WWOX: variants seen among roughly 807,000 people sequenced by gnomAD.
WWOX encodes the protein WW domain-containing oxidoreductase.
In WWOX, 69 loss-of-function variants were observed where a neutral mutation model predicts 46.2. The observed-to-expected ratio is 1.49, with a 90% CI of 1.23 to 1.82. The LOEUF (loss-of-function observed/expected upper bound fraction) is 1.82, where lower values mean the gene tolerates loss of function less well. Ranked by LOEUF, WWOX falls within the 40% of genes most tolerant of loss-of-function variation. The pLI is 0.00. For synonymous variants in WWOX, 359 were observed against 202.6 expected (o/e 1.77, Z -6.56); for missense variants, 919 against 542.6 (o/e 1.69, Z -6.89).
intron 8 of WWOX, among the ~76,000 whole-genome samples, chr16:78,870,035 ACTT>A (rs1407501740): frequency 6.6e-6 from 1 of 152,114 alleles, no homozygotes; most frequent in Non-Finnish European, 1.5e-5. Flanking sequence ...CCTCCAGGGG[ACTT>A]CTTCCATCAA....
intron 8 of WWOX, among the ~76,000 whole-genome samples, chr16:78,982,590 A>G (rs1325558315): frequency 6.6e-6 from 1 of 152,172 alleles, no homozygotes; most frequent in Non-Finnish European, 1.5e-5. Context: ...AGGCGCTGCT[A>G]TTGTATGCTC....
intron 8 of WWOX, among the ~76,000 whole-genome samples, chr16:79,159,931 C>G (rs1226867237): frequency 6.6e-6 from 1 of 152,132 alleles, no homozygotes; most frequent in Non-Finnish European, 1.5e-5. Flanking sequence ...TGATCTGACT[C>G]CCAACCCTCC....
intron 8 of WWOX, among the ~76,000 whole-genome samples, chr16:78,674,429 C>T (rs1370759107): frequency 6.6e-6 from 1 of 152,024 alleles, no homozygotes; most frequent in Admixed American, 6.6e-5. Context: ...GAACTACAGG[C>T]GTCCGCCACC....
chr16:79,006,112 G>GA (rs2047185355), intron 8 of WWOX, among the ~76,000 whole-genome samples: 2 of 152,182 alleles, frequency 1.3e-5, no homozygotes, highest in South Asian at 2.1e-4. Context: ...CCAGTGGGGT[G>GA]AGGGTGGCAG....
At chr16:78,911,553 C>G (rs555837885) in intron 8 of WWOX, among the ~76,000 whole-genome samples, 1 of 152,116 alleles carries the variant, frequency 6.6e-6, no homozygotes, top group South Asian at 2.1e-4. Flanking sequence ...TAGGAAAATT[C>G]TCCCCAGTGG....
intron 8 of WWOX, among the ~76,000 whole-genome samples, chr16:78,613,198 C>G (rs556443034): frequency 1.3e-5 from 2 of 152,270 alleles, no homozygotes; most frequent in Admixed American, 6.5e-5. Flanking sequence ...TCACCCCGAT[C>G]ACATGAACGT....
intron 8 of WWOX, among the ~76,000 whole-genome samples, chr16:78,833,154 G>A (rs1010540632): frequency 1.3e-5 from 2 of 151,728 alleles, no homozygotes; most frequent in East Asian, 3.9e-4. Context: ...CGATCCTCCA[G>A]CCTCTGCCTG....
In WWOX at chr16:78,507,033, G is replaced by T. The variant is rs139761752; in HGVS notation, c.1056+74281G>T. Among the ~76,000 whole-genome samples, 60 of 152,240 alleles carry T rather than the reference G, an allele frequency of 3.9e-4. No homozygotes were observed. The East Asian group carries it at 0.011, about 27-fold the overall frequency. Reference sequence around the variant, plus strand: ...ACGACCTCAGGGTCCCTTCTAACCTGTGCTGTTGTCATAAACCCTGGAGGA... The same window carrying T: ...ACGACCTCAGGGTCCCTTCTAACCTTTGCTGTTGTCATAAACCCTGGAGGA... On this transcript the variant is annotated intron_variant, in intron 8 of 8. Transcript: ENST00000566780.
rs188372837 is a variant in WWOX at position 79,133,969 on chromosome 16, T to G, written c.1057-77639T>G. On this transcript the variant is annotated intron_variant, in intron 8 of 8. Transcript: ENST00000566780. The stretch of plus-strand genomic sequence containing the variant: ...AGGCAAGTCCTCAAGAAGAAAAATT[T>G]AAGGAGCAAATATGTGAGCCAGGAT... Among the ~76,000 whole-genome samples, 3 of 152,266 alleles carry G rather than the reference T, an allele frequency of 2.0e-5. No individual in the cohort carries two copies. In the East Asian group the frequency reaches 5.8e-4, roughly 29 times the overall value.
chr16:79,041,788 C>G (rs556931584), intron 8 of WWOX, among the ~76,000 whole-genome samples: 1 of 152,148 alleles, frequency 6.6e-6, no homozygotes, highest in African/African-American at 2.4e-5. Flanking sequence ...TCATTCCATA[C>G]GCTTTTGCTT....
At chr16:78,441,191 G>A (rs1257231132) in intron 8 of WWOX, among the ~76,000 whole-genome samples, 1 of 152,060 alleles carries the variant, frequency 6.6e-6, no homozygotes, top group Non-Finnish European at 1.5e-5. Context: ...CAAAGTGCTG[G>A]GATTACAGAT....
chr16:79,185,625 A>G (rs781735311), intron 8 of WWOX, among the ~76,000 whole-genome samples: 6 of 152,136 alleles, frequency 3.9e-5, no homozygotes, highest in Non-Finnish European at 7.4e-5. Context: ...GGTTGTCAGG[A>G]TGCAGGGAGG....
intron 5 of WWOX, among the ~76,000 whole-genome samples, chr16:78,291,309 T>G (rs1236682075): frequency 6.6e-6 from 1 of 152,242 alleles, no homozygotes; most frequent in Non-Finnish European, 1.5e-5. Context: ...AATGTTATTT[T>G]GACTGCATTT....
At chr16:78,186,392 C>T (rs542158556) in intron 5 of WWOX, among the ~76,000 whole-genome samples, 36 of 152,294 alleles carry the variant, frequency 2.4e-4, no homozygotes, top group African/African-American at 8.7e-4. Flanking sequence ...TGCTAGAACT[C>T]ACAGTTTAAC....
At chr16:78,543,097 C>G (rs555039787) in intron 8 of WWOX, among the ~76,000 whole-genome samples, 1 of 152,378 alleles carries the variant, frequency 6.6e-6, no homozygotes, top group Admixed American at 6.5e-5. Context: ...GCTCATACGA[C>G]ATGTCCAGTG....
At chr16:78,672,245 A>G (rs537688933) in intron 8 of WWOX, among the ~76,000 whole-genome samples, 1 of 152,282 alleles carries the variant, frequency 6.6e-6, no homozygotes, top group Non-Finnish European at 1.5e-5. Context: ...TCCATGTTCA[A>G]GGTGATAACC....
intron 8 of WWOX, among the ~76,000 whole-genome samples, chr16:78,563,869 C>T (rs1003162457): frequency 1.2e-4 from 18 of 145,236 alleles, no homozygotes; most frequent in Admixed American, 3.5e-4. Flanking sequence ...AGGTGAAGTT[C>T]GTTTGTCCAC....
At chr16:78,276,790 A>G (rs2079586713) in intron 5 of WWOX, among the ~76,000 whole-genome samples, 1 of 152,158 alleles carries the variant, frequency 6.6e-6, no homozygotes, top group Non-Finnish European at 1.5e-5. Flanking sequence ...TAGGATATTT[A>G]CTGTCTGAAA....
At chr16:79,106,724 C>G (rs2049316255) in intron 8 of WWOX, 1 of 148,844 alleles carries the variant, frequency 6.7e-6, no homozygotes, top group Non-Finnish European at 1.5e-5. Flanking sequence ...CCTCAAGCAA[C>G]TCTCCAGCCT....
Sources: gnomAD v4.1 joint callset for allele counts (sites outside exome capture counted in the v4.1 genomes callset) on GRCh38, gnomAD v4.1.1 for gene constraint, MANE v1.5 for transcripts, NCBI Gene and HGNC (gene_info 2026-07-23, HGNC 2026-07-21) for gene names.